GRK3: variants seen among roughly 807,000 people sequenced by gnomAD.
GRK3 encodes the protein G protein-coupled receptor kinase 3, also known as adrenergic, beta, receptor kinase 2.
In GRK3, 54 loss-of-function variants were observed where a neutral mutation model predicts 95.7. The ratio of observed to expected loss-of-function variants is 0.56; its 90% confidence interval spans 0.45 to 0.71. GRK3 has a LOEUF of 0.71. Ranked by LOEUF, GRK3 falls within the 30% of genes least tolerant of loss-of-function variation. The pLI is 0.00. For synonymous variants in GRK3, 281 were observed against 290.8 expected (o/e 0.97, Z 0.34); for missense variants, 649 against 851.2 (o/e 0.76, Z 2.96).
chr22:25,664,789 G>A (rs2146404738), intron 5 of GRK3, among the ~76,000 whole-genome samples: 1 of 152,254 alleles, frequency 6.6e-6, no homozygotes, highest in Admixed American at 6.5e-5. Context: ...AAAGTGCTGG[G>A]ATTACAGGCA....
chr22:25,624,420 TGGGTGTGGTGGC>T (rs2146361362), intron 2 of GRK3, among the ~76,000 whole-genome samples: 1 of 151,994 alleles, frequency 6.6e-6, no homozygotes, highest in African/African-American at 2.4e-5. Context: ...AAAAATTAGC[TGGGTGTGGTGGC>T]GGGCACCTGT....
At chr22:25,588,299 G>T (rs933182888) in intron 1 of GRK3, among the ~76,000 whole-genome samples, 2 of 152,130 alleles carry the variant, frequency 1.3e-5, no homozygotes, top group South Asian at 2.1e-4. Context: ...AAAGAAAAAG[G>T]CATTAAAACA....
chr22:25,709,137 A>G (rs1453886388), intron 15 of GRK3, among the ~76,000 whole-genome samples: 1 of 151,780 alleles, frequency 6.6e-6, no homozygotes, highest in Non-Finnish European at 1.5e-5. Context: ...TCCCGGGTTC[A>G]CGCCGTTCTC....
At chr22:25,663,731 T>G in intron 5 of GRK3, 27 bp downstream of exon 5, 1 of 1,504,346 alleles carries the variant, frequency 6.6e-7, no homozygotes, top group Non-Finnish European at 9.2e-7. Context: ...CCAAAATAAA[T>G]AGATAATATT....
At position 25,662,260 on chromosome 22, in the gene GRK3, G is replaced by A. The variant is rs117167917; in HGVS notation, c.366+583G>A. Among the ~76,000 whole-genome samples, 767 of 152,328 alleles carry A rather than the reference G, an allele frequency of 5.0e-3. 33 individuals carry two copies. The East Asian group carries it at 0.1, about 20-fold the overall frequency. ...CATGTAATATCTCTATATTAGGAAT[G>A]TTTTCCAAAAGGTGGCCTGACAGTC... On this transcript the variant is annotated intron_variant, in intron 4 of 20. Transcript: ENST00000324198.
At chr22:25,570,723 C>G (rs543556797) in intron 1 of GRK3, among the ~76,000 whole-genome samples, 2 of 152,294 alleles carry the variant, frequency 1.3e-5, no homozygotes, top group Admixed American at 1.3e-4. Flanking sequence ...ATCCCGGCCC[C>G]CCTCTGCTTC....
rs1328892276 is a variant in GRK3 at position 25,568,858 on chromosome 22, A to G, written c.113+3705A>G. On this transcript the variant is annotated intron_variant, in intron 1 of 20. Coordinates refer to ENST00000324198, the MANE Select transcript of GRK3 (RefSeq NM_005160.4). Reference sequence around the variant, plus strand: ...TATAGCATAATGCATAGAACACATGATGTTTGGTGTTTTACAATAATTTGT... The same window carrying G: ...TATAGCATAATGCATAGAACACATGGTGTTTGGTGTTTTACAATAATTTGT... 5.9e-5 allele frequency among the ~76,000 whole-genome samples: 9 copies of G among 152,354 alleles called. No homozygotes were observed. The East Asian group carries it at 1.5e-3, about 26-fold the overall frequency.
At chr22:25,695,785 C>G (rs2085202982) in intron 13 of GRK3, among the ~76,000 whole-genome samples, 1 of 152,068 alleles carries the variant, frequency 6.6e-6, no homozygotes, top group African/African-American at 2.4e-5. Flanking sequence ...ACCTCAACCT[C>G]AGTCTCCTGA....
intron 1 of GRK3, among the ~76,000 whole-genome samples, chr22:25,598,040 C>T (rs1480502153): frequency 6.6e-6 from 1 of 152,092 alleles, no homozygotes; most frequent in Non-Finnish European, 1.5e-5. Flanking sequence ...ATATAGAGTA[C>T]CTGCAGTAAT....
chr22:25,599,193 G>T (rs867277068), intron 1 of GRK3, among the ~76,000 whole-genome samples: 2 of 152,104 alleles, frequency 1.3e-5, no homozygotes, highest in Non-Finnish European at 2.9e-5. Context: ...CACCATTAAA[G>T]AAAAATATTG....
chr22:25,618,264 A>T (rs2084554917), intron 2 of GRK3, among the ~76,000 whole-genome samples: 1 of 152,212 alleles, frequency 6.6e-6, no homozygotes, highest in Admixed American at 6.5e-5. Flanking sequence ...GAATTGCTGG[A>T]TCGTGTCTGA....
intron 2 of GRK3, among the ~76,000 whole-genome samples, chr22:25,612,791 G>A (rs775329721): frequency 6.6e-5 from 10 of 151,182 alleles, no homozygotes; most frequent in Non-Finnish European, 1.5e-4. Context: ...AAAGCAAAGT[G>A]TATGTTTCAT....
chr22:25,628,169 T>C (rs910247552), intron 2 of GRK3, among the ~76,000 whole-genome samples: 1 of 152,192 alleles, frequency 6.6e-6, no homozygotes, highest in Non-Finnish European at 1.5e-5. Context: ...ATCTTTCAAA[T>C]TGATAAAAAG....
chr22:25,596,240 A>G (rs1049437189), intron 1 of GRK3, among the ~76,000 whole-genome samples: 15 of 152,178 alleles, frequency 9.9e-5, no homozygotes, highest in African/African-American at 3.6e-4. Flanking sequence ...GGTAGGTGAA[A>G]AACCAGTTGT....
chr22:25,565,785 G>T (rs1225583219), intron 1 of GRK3, among the ~76,000 whole-genome samples: 2 of 152,132 alleles, frequency 1.3e-5, no homozygotes, highest in Non-Finnish European at 2.9e-5. Flanking sequence ...GACCCACTCA[G>T]TATTCTTTTT....
rs777267411 is a variant in GRK3, at chr22:25,724,842, A to G, written c.*2392A>G. ...TCAGTTGGATTAAACATCATGGTATACTTGGCTGTTGTTTTTTTTTAATTT... is the reference window on the plus strand; with the variant it reads ...TCAGTTGGATTAAACATCATGGTATGCTTGGCTGTTGTTTTTTTTTAATTT... On this transcript the variant is annotated 3_prime_UTR_variant, in exon 21 of 21. Coordinates refer to ENST00000324198, the MANE Select transcript of GRK3 (RefSeq NM_005160.4). 6.6e-6 allele frequency: 1 copy of G among 151,906 alleles called. No individual in the cohort carries two copies. Among genetic ancestry groups the G allele is most frequent in the Non-Finnish European group, 1.5e-5 (1 of 67,980 alleles). 9.4% of individuals were successfully genotyped at this position (151,906 alleles called of 1,614,324 possible).
chr22:25,568,085 G>C (rs1007046847), intron 1 of GRK3, among the ~76,000 whole-genome samples: 1 of 152,202 alleles, frequency 6.6e-6, no homozygotes, highest in African/African-American at 2.4e-5. Context: ...AGCTGATAAT[G>C]GGGCCTACTG....
chr22:25,676,428 A>T (rs1022103198), intron 8 of GRK3, among the ~76,000 whole-genome samples: 1 of 152,176 alleles, frequency 6.6e-6, no homozygotes, highest in Non-Finnish European at 1.5e-5. Flanking sequence ...GCGGTGGCTC[A>T]CACTTGTAAT....
At chr22:25,622,254 T>C (rs1406262551) in intron 2 of GRK3, among the ~76,000 whole-genome samples, 1 of 152,116 alleles carries the variant, frequency 6.6e-6, no homozygotes. Context: ...ATGCAGCTTG[T>C]CGGTGTGCAG....
Sources: gnomAD v4.1 joint callset for allele counts (sites outside exome capture counted in the v4.1 genomes callset) on GRCh38, gnomAD v4.1.1 for gene constraint, MANE v1.5 for transcripts, NCBI Gene and HGNC (gene_info 2026-07-23, HGNC 2026-07-21) for gene names.